Variants in TAPT1 observed in about 807,000 individuals in gnomAD.
The protein encoded by TAPT1 is transmembrane anterior posterior transformation 1.
Under a neutral mutation model 65.6 loss-of-function variants are expected in TAPT1, and 28 were observed. The ratio of observed to expected loss-of-function variants is 0.43; its 90% CI spans 0.32 to 0.59. The LOEUF is 0.59. Ranked by LOEUF, TAPT1 falls within the 20% of genes least tolerant of loss-of-function variation. The pLI, the probability that TAPT1 is intolerant of heterozygous loss-of-function variation, is 0.09. For synonymous variants in TAPT1, 278 were observed against 245.2 expected (o/e 1.13, Z -1.25); for missense variants, 563 against 679.9 (o/e 0.83, Z 1.91).
intron 13 of TAPT1, 137 bp from the exon 14 acceptor site, chr4:16,163,674 G>C (rs936312700): frequency 1.5e-6 from 1 of 655,752 alleles, no homozygotes; most frequent in African/African-American, 1.8e-5. Context: ...TAACCAAATA[G>C]CATGTTGTAT....
intron 1 of TAPT1, among the ~76,000 whole-genome samples, chr4:16,215,693 T>C (rs1266054628): frequency 6.6e-6 from 1 of 152,210 alleles, no homozygotes; most frequent in Non-Finnish European, 1.5e-5. Flanking sequence ...TGAAGTCACA[T>C]GGGTTAAGTG....
intron 12 of TAPT1, 197 bp from the exon 13 acceptor site, chr4:16,166,990 T>TA: frequency 2.0e-5 from 6 of 303,306 alleles, no homozygotes; most frequent in African/African-American, 2.9e-5. Context: ...TCCTTAGTTC[T>TA]CTTTTTTTTT....
At chr4:16,203,112 C>T (rs1750136106) in intron 2 of TAPT1, among the ~76,000 whole-genome samples, 1 of 152,154 alleles carries the variant, frequency 6.6e-6, no homozygotes, top group Non-Finnish European at 1.5e-5. Flanking sequence ...TGAGTACTTG[C>T]CATACCCTTT....
At chr4:16,195,686 G>A (rs1468296115) in intron 3 of TAPT1, among the ~76,000 whole-genome samples, 1 of 151,900 alleles carries the variant, frequency 6.6e-6, no homozygotes. Flanking sequence ...ATTTTACATT[G>A]TACAATTTAC....
intron 13 of TAPT1, among the ~76,000 whole-genome samples, chr4:16,163,792 A>G (rs146983955): frequency 6.6e-6 from 1 of 152,306 alleles, no homozygotes; most frequent in Non-Finnish European, 1.5e-5. Context: ...CCATCACCCA[A>G]CTGCAGAAAG....
At chr4:16,200,828 G>A (rs1749986001) in intron 3 of TAPT1, among the ~76,000 whole-genome samples, 1 of 152,158 alleles carries the variant, frequency 6.6e-6, no homozygotes, top group African/African-American at 2.4e-5. Flanking sequence ...TTGTGGTTAG[G>A]TTTTGTTAGT....
rs1747237006 is a variant in TAPT1, at chr4:16,161,449, G to GT, written c.*1858dup. On this transcript the variant is annotated 3_prime_UTR_variant, in exon 14 of 14. Coordinates refer to ENST00000405303, the MANE Select transcript of TAPT1 (RefSeq NM_153365.3). Reference sequence around the variant, plus strand: ...GAAATCTTCTGAAAATGACAGCGCAGTAACAGAATAATTCAAGCGGAACTG... The same window carrying GT: ...GAAATCTTCTGAAAATGACAGCGCAGTTAACAGAATAATTCAAGCGGAACTG... 6.6e-6 allele frequency: 1 copy of GT among 152,610 alleles called. No homozygotes were observed. The highest frequency in any genetic ancestry group is 2.4e-5 in the African/African-American group (1 of 41,446). 9.5% of individuals were successfully genotyped at this position (152,610 alleles called of 1,614,324 possible).
At chr4:16,166,938 A>G in intron 12 of TAPT1, 145 bp from the exon 13 acceptor site, 2 of 594,414 alleles carry the variant, frequency 3.4e-6, no homozygotes, top group Admixed American at 3.1e-5. Flanking sequence ...ACAAATCTTG[A>G]GTTTTCTGAG....
rs115370452 is a variant in TAPT1 at position 16,197,652 on chromosome 4, C to T, written c.449+4810G>A. Among the ~76,000 whole-genome samples the T allele has an allele frequency of 8.5e-4, 129 of 152,280 alleles. 2 individuals carry two copies. Among genetic ancestry groups the T allele is most frequent in the African/African-American group, 3.0e-3 (125 of 41,568 alleles). On this transcript the variant is annotated intron_variant, in intron 3 of 13. Coordinates refer to ENST00000405303, the MANE Select transcript of TAPT1 (RefSeq NM_153365.3). ...CTGCTTTTCTGAAAAACAAAAAATTCTATCATTCTTCCAAGGAATAGACAC... is the reference window on the plus strand; with the variant it reads ...CTGCTTTTCTGAAAAACAAAAAATTTTATCATTCTTCCAAGGAATAGACAC...
At chr4:16,194,598 T>C (rs1369337471) in intron 3 of TAPT1, among the ~76,000 whole-genome samples, 1 of 152,138 alleles carries the variant, frequency 6.6e-6, no homozygotes, top group African/African-American at 2.4e-5. Context: ...AATAAATTGC[T>C]GTACAAAAAA....
chr4:16,184,884 T>C (rs1409278633), intron 7 of TAPT1, among the ~76,000 whole-genome samples: 1 of 152,262 alleles, frequency 6.6e-6, no homozygotes, highest in Non-Finnish European at 1.5e-5. Context: ...TATCGTCAGA[T>C]ATATGCATCT....
chr4:16,211,627 T>C (rs1367149989), intron 2 of TAPT1, among the ~76,000 whole-genome samples: 2 of 152,176 alleles, frequency 1.3e-5, no homozygotes, highest in Admixed American at 1.3e-4. Context: ...AAAACAAAAA[T>C]CATTAGAAAA....
chr4:16,185,309 G>T (rs980236283), intron 7 of TAPT1, among the ~76,000 whole-genome samples: 1 of 151,274 alleles, frequency 6.6e-6, no homozygotes, highest in African/African-American at 2.4e-5. Context: ...TTTTCATTTC[G>T]AATATGGTGA....
intron 4 of TAPT1, among the ~76,000 whole-genome samples, chr4:16,188,745 G>A (rs893795163): frequency 6.6e-6 from 1 of 151,818 alleles, no homozygotes; most frequent in Non-Finnish European, 1.5e-5. Context: ...ACAGTGAAAC[G>A]CCGTCTCTAC....
chr4:16,171,117 C>T (rs975292042), intron 11 of TAPT1, among the ~76,000 whole-genome samples: 4 of 152,144 alleles, frequency 2.6e-5, no homozygotes, highest in Non-Finnish European at 2.9e-5. Flanking sequence ...TCTTGCTACA[C>T]GTGTCCACAC....
At chr4:16,200,060 CACT>C (rs1350788097) in intron 3 of TAPT1, among the ~76,000 whole-genome samples, 2 of 152,130 alleles carry the variant, frequency 1.3e-5, no homozygotes, top group African/African-American at 2.4e-5. Context: ...GGCAAATCAC[CACT>C]GTTACTTAGT....
At chr4:16,202,702 G>A in intron 2 of TAPT1, 122 bp from the exon 3 acceptor site, 1 of 554,078 alleles carries the variant, frequency 1.8e-6, no homozygotes, top group Non-Finnish European at 3.2e-6. Flanking sequence ...ACTTAGCCCT[G>A]GGAATAACAA....
Position 16,226,312 on chromosome 4 carries a change from G to A in TAPT1, c.146C>T (p.Thr49Met). 2 of 1,127,640 alleles carry A rather than the reference G, an allele frequency of 1.8e-6. No individual in the cohort carries two copies. Among genetic ancestry groups the A allele is most frequent in the Non-Finnish European group, 2.2e-6 (2 of 922,252 alleles). 69.9% of individuals were successfully genotyped at this position (1,127,640 alleles called of 1,614,324 possible). ...GPPPAPQLTE[T>M]LGFYESDRRR... ...CCGGTCGCTCTCGTAGAAGCCCAGCGTCTCTGTGAGCTGAGGCGCCGGCGG... is the reference window on the plus strand; with the variant it reads ...CCGGTCGCTCTCGTAGAAGCCCAGCATCTCTGTGAGCTGAGGCGCCGGCGG... Residue 49 changes from threonine (T) to methionine (M), a missense_variant, in exon 1 of 14, where the codon ACG (threonine) becomes ATG (methionine). Physicochemically the swap from Thr to Met is moderately conservative, Grantham distance 81 (BLOSUM62 -1). Transcript: ENST00000405303.
rs1304328487 is a variant in TAPT1, at chr4:16,161,158, A to G, written c.*2150T>C. The G allele has an allele frequency of 6.5e-6, 1 of 152,682 alleles. No individual in the cohort carries two copies. Among genetic ancestry groups the G allele is most frequent in the East Asian group, 1.9e-4 (1 of 5,208 alleles). The allele number at this position is 152,682 out of a possible 1,614,324, so 9.5% of individuals were successfully genotyped here. A position where few individuals can be genotyped will look rare whatever the true frequency, so the allele number is the denominator to read the frequency against. On this transcript the variant is annotated 3_prime_UTR_variant, in exon 14 of 14. Transcript: ENST00000405303. ...CAAAGACAAAATTAAACATTTTGCCACCATTAAGACCAAAGCAATAATTCA... is the reference window on the plus strand; with the variant it reads ...CAAAGACAAAATTAAACATTTTGCCGCCATTAAGACCAAAGCAATAATTCA...
Sources: gnomAD v4.1 joint callset for allele counts (sites outside exome capture counted in the v4.1 genomes callset) on GRCh38, gnomAD v4.1.1 for gene constraint, MANE v1.5 for transcripts, NCBI Gene and HGNC (gene_info 2026-07-23, HGNC 2026-07-21) for gene names.